NIPSNAP3B: variants seen among roughly 807,000 people sequenced by gnomAD.
The protein encoded by NIPSNAP3B is protein NipSnap homolog 3B.
In NIPSNAP3B, 30 loss-of-function variants were observed where a neutral mutation model predicts 31.5. That is an observed-to-expected ratio of 0.95 (90% CI 0.71 to 1.29). The LOEUF (loss-of-function observed/expected upper bound fraction) is 1.29. Ranked by LOEUF, NIPSNAP3B falls within the 50% of genes most tolerant of loss-of-function variation. NIPSNAP3B has a pLI of 0.00. For missense variants in NIPSNAP3B, 269 were observed against 300.7 expected (o/e 0.89, Z 0.78); for synonymous variants, 106 against 107.9 (o/e 0.98, Z 0.11).
the NIPSNAP3B span, among the ~76,000 whole-genome samples, chr9:104,789,216 G>A: frequency 2.6e-4 from 40 of 152,282 alleles, no homozygotes; most frequent in African/African-American, 9.1e-4. Context: ...TAGGATTGAG[G>A]CACACGTGGA....
the NIPSNAP3B span, chr9:104,787,788 T>C: frequency 6.3e-7 from 1 of 1,592,566 alleles, no homozygotes; most frequent in African/African-American, 1.3e-5. Flanking sequence ...CCTCTGCTTT[T>C]CCAAGGTTGC....
At chr9:104,786,525 G>A in the NIPSNAP3B span, 1 of 812,832 alleles carries the variant, frequency 1.2e-6, no homozygotes, top group Non-Finnish European at 2.1e-6. Flanking sequence ...TAGGGATGAT[G>A]CTGTTCAGTG....
the NIPSNAP3B span, among the ~76,000 whole-genome samples, chr9:104,784,792 C>T: frequency 6.6e-6 from 1 of 152,126 alleles, no homozygotes; most frequent in African/African-American, 2.4e-5. Flanking sequence ...TACAAGTGCG[C>T]ACCACCATGC....
the NIPSNAP3B span, chr9:104,788,486 C>T: frequency 5.0e-6 from 8 of 1,614,212 alleles, no homozygotes; most frequent in African/African-American, 8.0e-5. Context: ...CGTGTTCTCT[C>T]CCAGTCAACA....
rs372762569 is a variant in NIPSNAP3B at position 104,772,897 on chromosome 9, T to C, written c.656T>C (p.Val219Ala). ...CATAAGTCCCATGAGGATCCCAGAG[T>C]TGTGGCGGCTGGTAAGCTGTTTCAC... ...GRHKSHEDPR[V>A]VAAVRESVNY... Residue 219 changes from valine to alanine, a missense_variant, in exon 5 of 6, where the codon GTT becomes GCT. Coordinates refer to ENST00000374762, the MANE Select transcript of NIPSNAP3B (RefSeq NM_018376.4). 3 of 1,613,448 alleles carry C rather than the reference T, an allele frequency of 1.9e-6. No individual in the cohort carries two copies. Among genetic ancestry groups the C allele is most frequent in the Non-Finnish European group, 1.7e-6 (2 of 1,179,796 alleles).
downstream of NIPSNAP3B, among the ~76,000 whole-genome samples, chr9:104,778,707 C>A (rs1828385561): frequency 6.6e-6 from 1 of 152,164 alleles, no homozygotes; most frequent in South Asian, 2.1e-4. Flanking sequence ...GATCTATCTC[C>A]AAAGTGGATA....
chr9:104,778,781 A>G (rs1376373338), downstream of NIPSNAP3B, among the ~76,000 whole-genome samples: 1 of 152,152 alleles, frequency 6.6e-6, no homozygotes, highest in Non-Finnish European at 1.5e-5. Context: ...ATTATCTATT[A>G]GTCTTCCTAC....
At chr9:104,766,957 T>C (rs529051426) in intron 2 of NIPSNAP3B, among the ~76,000 whole-genome samples, 40 of 152,274 alleles carry the variant, frequency 2.6e-4, no homozygotes, top group African/African-American at 9.1e-4. Context: ...CTAATGTATA[T>C]GGTATTGACG....
the NIPSNAP3B span, among the ~76,000 whole-genome samples, chr9:104,786,714 T>C: frequency 1.3e-5 from 2 of 152,258 alleles, no homozygotes; most frequent in Non-Finnish European, 2.9e-5. Flanking sequence ...GTATTTATAC[T>C]GGGCTTGCAT....
In NIPSNAP3B at chr9:104,766,410, T is replaced by C; in HGVS notation, c.146T>C (p.Met49Thr). The C allele has an allele frequency of 6.2e-7, 1 of 1,613,838 alleles. No homozygotes were observed. The highest frequency in any genetic ancestry group is 1.7e-5 in the Admixed American group (1 of 60,024). ...ACTTATTACCTTAAACCTTCAAATA[T>C]GAATGCGTTCATGGAAAATCTTAAG... ...FRTYYLKPSN[M>T]NAFMENLKKN... is the part of the protein sequence containing the mutation. Residue 49 changes from methionine (M) to threonine (T), a missense_variant, in exon 2 of 6, where the codon ATG becomes ACG. Physicochemically the swap from Met to Thr is moderately conservative, Grantham distance 81 (BLOSUM62 -1). Transcript: ENST00000374762.
chr9:104,779,783 C>G (rs905774777), downstream of NIPSNAP3B, among the ~76,000 whole-genome samples: 2 of 152,314 alleles, frequency 1.3e-5, no homozygotes, highest in Middle Eastern at 6.8e-3. Flanking sequence ...AATCCCAGCA[C>G]TTTGGGAGCC....
chr9:104,779,403 G>A (rs760361385), downstream of NIPSNAP3B, among the ~76,000 whole-genome samples: 1 of 152,060 alleles, frequency 6.6e-6, no homozygotes, highest in Non-Finnish European at 1.5e-5. Context: ...TATTGATGCT[G>A]ATGTGATTTT....
At chr9:104,779,614 T>TAA (rs1348131024), downstream of NIPSNAP3B, among the ~76,000 whole-genome samples, 1 of 97,254 alleles carries the variant, frequency 1.0e-5, no homozygotes, top group Non-Finnish European at 2.1e-5. Context: ...AAACTGAAGC[T>TAA]AAGTGGGTTT....
At chr9:104,771,133 A>G (rs1200196413) in intron 4 of NIPSNAP3B, 135 bp downstream of exon 4, 1 of 689,800 alleles carries the variant, frequency 1.4e-6, no homozygotes, top group Non-Finnish European at 2.4e-6. Context: ...GAAAAAATCT[A>G]TAAGCATCTT....
At chr9:104,785,616 A>G in the NIPSNAP3B span, 1 of 1,614,104 alleles carries the variant, frequency 6.2e-7, no homozygotes. Flanking sequence ...TATTCGTACA[A>G]CTATTGTATA....
chr9:104,770,972 A>T lies in NIPSNAP3B; in HGVS notation c.554A>T (p.His185Leu). ...LGYTKVVGVF[H>L]TEYGELNRVH... The stretch of plus-strand genomic sequence containing the variant: ...TACACAAAAGTAGTTGGTGTTTTCC[A>T]CACAGAATATGGAGAACTCAACAGA... Residue 185 changes from histidine (H) to leucine (L), a missense_variant, in exon 4 of 6, where the codon CAC becomes CTC. His to Leu is a moderately conservative substitution (Grantham distance 99). Transcript: ENST00000374762. The T allele has an allele frequency of 6.2e-7, 1 of 1,613,978 alleles. No homozygotes were observed.
intron 2 of NIPSNAP3B, among the ~76,000 whole-genome samples, chr9:104,766,967 G>A (rs1828101652): frequency 6.6e-6 from 1 of 152,048 alleles, no homozygotes; most frequent in South Asian, 2.1e-4. Context: ...TGGTATTGAC[G>A]AAGATGGAAT....
At chr9:104,771,092 C>A in intron 4 of NIPSNAP3B, 94 bp downstream of exon 4, 2 of 1,134,024 alleles carry the variant, frequency 1.8e-6, no homozygotes, top group Non-Finnish European at 2.5e-6. Flanking sequence ...TTTTTATCTC[C>A]AAATTTTTAG....
intron 1 of NIPSNAP3B, 76 bp downstream of exon 1, chr9:104,764,376 A>G: frequency 7.8e-7 from 1 of 1,278,408 alleles, no homozygotes; most frequent in Non-Finnish European, 1.1e-6. Context: ...GAAGCGTGCG[A>G]GCCACGCTCA....
Sources: gnomAD v4.1 joint callset for allele counts (sites outside exome capture counted in the v4.1 genomes callset) on GRCh38, gnomAD v4.1.1 for gene constraint, MANE v1.5 for transcripts, NCBI Gene and HGNC (gene_info 2026-07-23, HGNC 2026-07-21) for gene names.